TSC22D1: variants seen among roughly 807,000 people sequenced by gnomAD.
The protein encoded by TSC22D1 is TSC22 domain family member 1.
Under a neutral mutation model 74.2 loss-of-function variants are expected in TSC22D1, and 9 were observed. The ratio of observed to expected loss-of-function variants is 0.12; its 90% CI spans 0.07 to 0.21. The LOEUF is 0.21. Ranked by LOEUF, TSC22D1 falls within the 10% of genes least tolerant of loss-of-function variation. The probability of loss-of-function intolerance (pLI) is 1.00; values close to 1 mark genes in which losing one functional copy is unlikely to be tolerated. For synonymous variants in TSC22D1, 586 were observed against 492.5 expected (o/e 1.19, Z -2.51); for missense variants, 1,427 against 1,304.7 (o/e 1.09, Z -1.44).
At chr13:44,499,738 T>C (rs1295371142) in intron 1 of TSC22D1, among the ~76,000 whole-genome samples, 2 of 152,164 alleles carry the variant, frequency 1.3e-5, no homozygotes, top group Non-Finnish European at 2.9e-5. Flanking sequence ...GTTTTATATT[T>C]TACAGGTTTG....
chr13:44,527,419 T>C (rs1880599822), intron 1 of TSC22D1, among the ~76,000 whole-genome samples: 1 of 152,146 alleles, frequency 6.6e-6, no homozygotes, highest in Non-Finnish European at 1.5e-5. Context: ...TGCTATGTTA[T>C]AAGGTACCAG....
chr13:44,484,017 C>T lies in TSC22D1; in HGVS notation c.2913-47922G>A, dbSNP rs143561888. Among the ~76,000 whole-genome samples the T allele has an allele frequency of 1.9e-3, 294 of 152,272 alleles. 1 individual carries two copies. Among genetic ancestry groups the T allele is most frequent in the Middle Eastern group, 0.014 (4 of 294 alleles). On this transcript the variant is annotated intron_variant, in intron 1 of 2. Transcript: ENST00000458659. ...TAATTTCATTTCTAACCTAATTTTGCTTAAGCTGAACACATAGGTATCTTA... is the reference window on the plus strand; with the variant it reads ...TAATTTCATTTCTAACCTAATTTTGTTTAAGCTGAACACATAGGTATCTTA...
chr13:44,486,071 TA>T (rs375424752), intron 1 of TSC22D1, among the ~76,000 whole-genome samples: 7 of 151,466 alleles, frequency 4.6e-5, no homozygotes, highest in Non-Finnish European at 1.0e-4. Context: ...AATCTTAATC[TA>T]AAAAAATAAG....
intron 1 of TSC22D1, among the ~76,000 whole-genome samples, chr13:44,455,233 A>C (rs990248403): frequency 1.3e-5 from 2 of 152,178 alleles, no homozygotes; most frequent in African/African-American, 4.8e-5. Flanking sequence ...GTAAAGACCT[A>C]AGAGAGATGA....
intron 1 of TSC22D1, among the ~76,000 whole-genome samples, chr13:44,478,464 A>C (rs892111629): frequency 1.4e-4 from 22 of 152,322 alleles, no homozygotes; most frequent in African/African-American, 5.3e-4. Context: ...ATTTTTTGTC[A>C]GGCTTGGAAC....
rs929455828 is a variant in TSC22D1, at chr13:44,576,045, C to T, written c.30G>A (p.Ala10=). 20 of 1,570,796 alleles carry T rather than the reference C, an allele frequency of 1.3e-5. No individual in the cohort carries two copies. Among genetic ancestry groups the T allele is most frequent in the Middle Eastern group, 1.7e-4 (1 of 5,990 alleles). Residue 10 remains alanine, a synonymous_variant, in exon 1 of 3, where the codon GCG becomes GCA. Transcript: ENST00000458659. MHQPPESTA[A]AAAAADISAR... ...CGCTAATGTCTGCAGCGGCGGCGGCCGCGGCGGTGGACTCAGGCGGCTGGT... is the reference window on the plus strand; with the variant it reads ...CGCTAATGTCTGCAGCGGCGGCGGCTGCGGCGGTGGACTCAGGCGGCTGGT...
chr13:44,479,625 C>G (rs889797743), intron 1 of TSC22D1, among the ~76,000 whole-genome samples: 1 of 152,166 alleles, frequency 6.6e-6, no homozygotes, highest in African/African-American at 2.4e-5. Context: ...TTACCAGCCA[C>G]ATACACCAGC....
chr13:44,462,942 A>G (rs193056957), intron 1 of TSC22D1, among the ~76,000 whole-genome samples: 1 of 152,310 alleles, frequency 6.6e-6, no homozygotes, highest in East Asian at 1.9e-4. Flanking sequence ...ATATAATTAC[A>G]AACTATAAAT....
At position 44,575,834 on chromosome 13, in the gene TSC22D1, G is replaced by C. The variant is rs775350515; in HGVS notation, c.241C>G (p.Pro81Ala). The change falls in exon 1 of 3, where the codon CCT becomes GCT. Residue 81 changes from proline (P) to alanine (A), a missense_variant. This residue lies in a region of TSC22D1 where 1,343 missense variants were observed against 1,191.5 expected (regional missense o/e 1.13). Transcript: ENST00000458659. ...GAAAGGAGGTTCAGGCTTTGTGGAG[G>C]CGGAGGCTGTGGTCCCGACGTAGAA... ...ASSTSGPQPP[P>A]PQSLNLLSQA... is the part of the protein sequence containing the mutation. 6.2e-7 allele frequency: 1 copy of C among 1,613,850 alleles called. No individual in the cohort carries two copies. The highest frequency in any genetic ancestry group is 1.3e-5 in the African/African-American group (1 of 74,860).
chr13:44,513,734 A>G (rs944629898), intron 1 of TSC22D1, among the ~76,000 whole-genome samples: 3 of 152,250 alleles, frequency 2.0e-5, no homozygotes, highest in Admixed American at 6.5e-5. Flanking sequence ...CACCATAAGC[A>G]GTATCAACCA....
rs753698028 is a variant in TSC22D1 at position 44,434,692 on chromosome 13, G to T, written c.3156C>A (p.Thr1052=). ...GGGGCTGTGTGGTGCCCTGTGGCTGGGTGGTGGCAGGGGGGGAGCCAGTCT... is the reference window on the plus strand; with the variant it reads ...GGGGCTGTGTGGTGCCCTGTGGCTGTGTGGTGGCAGGGGGGGAGCCAGTCT... The part of the protein sequence containing the change: ...QLQTGSPPAT[T]QPQGTTQPPA... The change falls in exon 3 of 3, where the codon ACC becomes ACA. Residue 1052 remains threonine, a synonymous_variant. Coordinates refer to ENST00000458659, the MANE Select transcript of TSC22D1 (RefSeq NM_183422.4). 1.2e-6 allele frequency: 2 copies of T among 1,610,402 alleles called. No homozygotes were observed. Among genetic ancestry groups the T allele is most frequent in the Non-Finnish European group, 1.7e-6 (2 of 1,178,688 alleles).
At chr13:44,471,121 C>T (rs995463912) in intron 1 of TSC22D1, among the ~76,000 whole-genome samples, 4 of 152,142 alleles carry the variant, frequency 2.6e-5, no homozygotes, top group African/African-American at 9.7e-5. Context: ...TGCTGTTCAT[C>T]AAAGCAAAAA....
chr13:44,477,607 A>G (rs1877977927), intron 1 of TSC22D1, among the ~76,000 whole-genome samples: 1 of 151,108 alleles, frequency 6.6e-6, no homozygotes, highest in South Asian at 2.1e-4. Flanking sequence ...CCTTAGATCA[A>G]GTGAGGTCTC....
At chr13:44,457,119 T>G (rs1876701636) in intron 1 of TSC22D1, among the ~76,000 whole-genome samples, 1 of 152,256 alleles carries the variant, frequency 6.6e-6, no homozygotes, top group East Asian at 1.9e-4. Context: ...ACATTTCACA[T>G]TTGCTTATGT....
chr13:44,568,479 C>G (rs1430112375), intron 1 of TSC22D1, among the ~76,000 whole-genome samples: 7 of 152,082 alleles, frequency 4.6e-5, no homozygotes, highest in Non-Finnish European at 7.3e-5. Flanking sequence ...CAACAAGCCA[C>G]ACGGAAAAAG....
chr13:44,556,019 T>C (rs984748187), intron 1 of TSC22D1, among the ~76,000 whole-genome samples: 1 of 152,104 alleles, frequency 6.6e-6, no homozygotes, highest in African/African-American at 2.4e-5. Context: ...TATTTCATAC[T>C]GGCAGAAAGT....
intron 1 of TSC22D1, among the ~76,000 whole-genome samples, chr13:44,454,012 A>C (rs1876362695): frequency 6.6e-6 from 1 of 152,212 alleles, no homozygotes; most frequent in Admixed American, 6.5e-5. Context: ...ATTATTTTGA[A>C]TAAAACAAGA....
chr13:44,560,708 G>T (rs192722520), intron 1 of TSC22D1, among the ~76,000 whole-genome samples: 2 of 152,106 alleles, frequency 1.3e-5, no homozygotes. Flanking sequence ...GAGGCAATAC[G>T]ACTAAAACAT....
intron 1 of TSC22D1, among the ~76,000 whole-genome samples, chr13:44,551,340 T>TGA (rs1441870764): frequency 2.0e-5 from 3 of 146,570 alleles, no homozygotes; most frequent in South Asian, 4.4e-4. Flanking sequence ...TGTGTGTGTG[T>TGA]GACCCTGTCT....
Sources: gnomAD v4.1 joint callset for allele counts (sites outside exome capture counted in the v4.1 genomes callset) on GRCh38, gnomAD v4.1.1 for gene constraint, gnomAD v4.1.1 regional missense constraint, MANE v1.5 for transcripts, NCBI Gene and HGNC (gene_info 2026-07-23, HGNC 2026-07-21) for gene names.